PLXNA4: variants seen among roughly 807,000 people sequenced by gnomAD.
PLXNA4 encodes plexin A4, also known as plexin-A4.
In PLXNA4, 44 loss-of-function variants were observed where a neutral mutation model predicts 191.8. That is an observed-to-expected ratio of 0.23 (90% CI 0.18 to 0.29). PLXNA4 has a LOEUF of 0.29. Among genes scored for constraint, PLXNA4 ranks in the 10% least tolerant of loss-of-function variants. PLXNA4 has a pLI of 1.00. For synonymous variants in PLXNA4, 1,082 were observed against 1,009.5 expected (o/e 1.07, Z -1.36); for missense variants, 1,800 against 2,488.8 (o/e 0.72, Z 5.89).
chr7:132,564,188 T>C (rs1801592407), intron 1 of PLXNA4, among the ~76,000 whole-genome samples: 1 of 116,850 alleles, frequency 8.6e-6, no homozygotes, highest in South Asian at 3.6e-4. Context: ...CTGCCCCTCC[T>C]CTCCCTCCTC....
intron 3 of PLXNA4, among the ~76,000 whole-genome samples, chr7:132,450,582 A>G (rs1585152885): frequency 6.6e-6 from 1 of 152,162 alleles, no homozygotes; most frequent in East Asian, 1.9e-4. Flanking sequence ...TCACTCAGCT[A>G]CTGAGAAGGG....
intron 1 of PLXNA4, among the ~76,000 whole-genome samples, chr7:132,560,814 C>A (rs1297433734): frequency 6.6e-6 from 1 of 152,144 alleles, no homozygotes; most frequent in African/African-American, 2.4e-5. Flanking sequence ...TGCCCACCAC[C>A]TTCACCGCCA....
At chr7:132,617,177 A>G (rs1464570449) in intron 2 of PLXNA4, among the ~76,000 whole-genome samples, 1 of 152,142 alleles carries the variant, frequency 6.6e-6, no homozygotes, top group East Asian at 1.9e-4. Flanking sequence ...CACCTTGGGC[A>G]TGGGTTTGTT....
chr7:132,550,983 C>T (rs1563166293), intron 1 of PLXNA4, among the ~76,000 whole-genome samples: 1 of 152,228 alleles, frequency 6.6e-6, no homozygotes, highest in Non-Finnish European at 1.5e-5. Flanking sequence ...CAAGCACCCA[C>T]TCGGTCCTCC....
chr7:132,487,050 A>G (rs1354792063), intron 3 of PLXNA4, among the ~76,000 whole-genome samples: 1 of 152,220 alleles, frequency 6.6e-6, no homozygotes, highest in Non-Finnish European at 1.5e-5. Flanking sequence ...CAAGTTGACT[A>G]TCTTGGGTTT....
chr7:132,421,718 A>G (rs1794857587), intron 3 of PLXNA4, among the ~76,000 whole-genome samples: 1 of 152,162 alleles, frequency 6.6e-6, no homozygotes, highest in South Asian at 2.1e-4. Flanking sequence ...AATGGTAATT[A>G]TTATTATTAT....
At chr7:132,328,723 C>T (rs1593223) in intron 3 of PLXNA4, among the ~76,000 whole-genome samples, 4,740 of 152,260 alleles carry the variant, frequency 0.031, 248 homozygotes, top group African/African-American at 0.1. Flanking sequence ...GATTTCCAGG[C>T]CCGGGCAAAC....
intron 9 of PLXNA4, among the ~76,000 whole-genome samples, chr7:132,221,367 C>T (rs1798139378): frequency 6.6e-6 from 1 of 152,236 alleles, no homozygotes; most frequent in South Asian, 2.1e-4. Context: ...CACATAGAAC[C>T]TCTGCCAGAT....
intron 1 of PLXNA4, among the ~76,000 whole-genome samples, chr7:132,522,151 C>T (rs912558498): frequency 3.3e-5 from 5 of 152,110 alleles, no homozygotes; most frequent in African/African-American, 4.8e-5. Flanking sequence ...ATCAGTTCCA[C>T]GGACACAGAC....
intron 25 of PLXNA4, among the ~76,000 whole-genome samples, chr7:132,156,052 C>T (rs1322436896): frequency 6.6e-6 from 1 of 151,838 alleles, no homozygotes; most frequent in Non-Finnish European, 1.5e-5. Flanking sequence ...CCAGCCAACC[C>T]TGCAGATTTT....
At chr7:132,203,837 C>A (rs1797524044) in intron 10 of PLXNA4, among the ~76,000 whole-genome samples, 1 of 152,164 alleles carries the variant, frequency 6.6e-6, no homozygotes. Context: ...TAGGCCCTCC[C>A]AAGTCTGCAA....
chr7:132,425,471 G>A (rs910979713), intron 3 of PLXNA4, among the ~76,000 whole-genome samples: 1 of 152,092 alleles, frequency 6.6e-6, no homozygotes, highest in African/African-American at 2.4e-5. Context: ...AAGGGTTAAT[G>A]TCTGTCTCCC....
chr7:132,475,279 G>A (rs156921), intron 3 of PLXNA4, among the ~76,000 whole-genome samples: 112,743 of 152,002 alleles, frequency 0.74, 45,116 homozygotes, highest in Non-Finnish European at 0.9. Flanking sequence ...CGTGACCAGC[G>A]GAGGAAGCAC....
intron 1 of PLXNA4, among the ~76,000 whole-genome samples, chr7:132,518,859 T>C (rs1003282966): frequency 6.6e-6 from 1 of 152,148 alleles, no homozygotes; most frequent in Non-Finnish European, 1.5e-5. Context: ...CCCCCAGGCC[T>C]CCTTGTCCTT....
At chr7:132,384,031 G>A in intron 3 of PLXNA4, 1 of 985,398 alleles carries the variant, frequency 1.0e-6, no homozygotes, top group South Asian at 4.7e-5. Context: ...CCAGAATATG[G>A]ACAGTGAGAC....
chr7:132,136,535 C>G (rs1795118186), intron 30 of PLXNA4, among the ~76,000 whole-genome samples: 1 of 152,190 alleles, frequency 6.6e-6, no homozygotes, highest in South Asian at 2.1e-4. Context: ...CCCCTGAGGT[C>G]CTGACATCAG....
At chr7:132,491,721 G>C (rs1797811546) in intron 2 of PLXNA4, among the ~76,000 whole-genome samples, 1 of 151,992 alleles carries the variant, frequency 6.6e-6, no homozygotes, top group African/African-American at 2.4e-5. Context: ...CTGAGGTCAG[G>C]AGTTCGAGAC....
intron 1 of PLXNA4, among the ~76,000 whole-genome samples, chr7:132,510,912 C>T (rs1381121118): frequency 6.6e-6 from 1 of 152,178 alleles, no homozygotes; most frequent in Admixed American, 6.5e-5. Flanking sequence ...GCCAGGATGT[C>T]ACTGGGAAGT....
chr7:132,241,510 T>C (rs1798877519), intron 4 of PLXNA4, among the ~76,000 whole-genome samples: 1 of 152,236 alleles, frequency 6.6e-6, no homozygotes, highest in Non-Finnish European at 1.5e-5. Flanking sequence ...GGCCAATTCA[T>C]CATGTATTTG....
Sources: gnomAD v4.1 joint callset for allele counts (sites outside exome capture counted in the v4.1 genomes callset) on GRCh38, gnomAD v4.1.1 for gene constraint, MANE v1.5 for transcripts, NCBI Gene and HGNC (gene_info 2026-07-23, HGNC 2026-07-21) for gene names.